The following LRP1B variants were observed in gnomAD, a reference collection of about 807,000 sequenced individuals.
LRP1B encodes the protein LDL receptor related protein 1B.
Under a neutral mutation model 556.6 loss-of-function variants are expected in LRP1B, and 217 were observed. The observed-to-expected ratio is 0.39, with a 90% CI of 0.35 to 0.44. The LOEUF is 0.44. Ranked by LOEUF, LRP1B falls within the 20% of genes least tolerant of loss-of-function variation. The pLI is 1.00. For synonymous variants in LRP1B, 2,047 were observed against 1,865.8 expected (o/e 1.10, Z -2.50); for missense variants, 5,053 against 5,620.8 (o/e 0.90, Z 3.23).
At chr2:141,498,903 T>C (rs953906185) in intron 2 of LRP1B, among the ~76,000 whole-genome samples, 5 of 152,070 alleles carry the variant, frequency 3.3e-5, no homozygotes, top group African/African-American at 1.2e-4. Flanking sequence ...CATCCTTGCT[T>C]AGATAGGCAA....
intron 63 of LRP1B, among the ~76,000 whole-genome samples, chr2:140,445,034 A>G (rs1175465141): frequency 1.3e-5 from 2 of 152,178 alleles, no homozygotes. Context: ...TTATTCCAAT[A>G]TCATCTTTTA....
rs78078646 is a variant in LRP1B, at chr2:141,140,296, G to A, written c.1013+48125C>T. Among the ~76,000 whole-genome samples the A allele has an allele frequency of 5.9e-3, 901 of 152,054 alleles. 11 individuals are homozygous for A. Among genetic ancestry groups the A allele is most frequent in the African/African-American group, 0.02 (837 of 41,500 alleles). On this transcript the variant is annotated intron_variant, in intron 7 of 90. Coordinates refer to ENST00000389484, the MANE Select transcript of LRP1B (RefSeq NM_018557.3). Reference sequence around the variant, plus strand: ...ATATATTTCATCACGTCTTTCAACCGTGTCGCTTATTGAACGTCAATTATA... The same window carrying A: ...ATATATTTCATCACGTCTTTCAACCATGTCGCTTATTGAACGTCAATTATA...
At chr2:140,252,924 GA>G (rs1214071641) in intron 86 of LRP1B, among the ~76,000 whole-genome samples, 1 of 151,878 alleles carries the variant, frequency 6.6e-6, no homozygotes, top group Non-Finnish European at 1.5e-5. Flanking sequence ...ATACAATTTT[GA>G]ACGTCTACAG....
chr2:141,732,423 A>C (rs1693308782), intron 2 of LRP1B, among the ~76,000 whole-genome samples: 1 of 152,102 alleles, frequency 6.6e-6, no homozygotes. Context: ...AGTCCATTAC[A>C]TGATGCTAAA....
intron 1 of LRP1B, among the ~76,000 whole-genome samples, chr2:142,086,738 G>A (rs1705949272): frequency 6.6e-6 from 1 of 151,958 alleles, no homozygotes; most frequent in African/African-American, 2.4e-5. Context: ...TTTTAAAAAA[G>A]TATTTGTAGT....
intron 60 of LRP1B, among the ~76,000 whole-genome samples, chr2:140,474,273 C>G (rs899033756): frequency 1.4e-4 from 21 of 151,858 alleles, no homozygotes; most frequent in African/African-American, 5.1e-4. Context: ...AACACACTGG[C>G]AGAGTATTAC....
chr2:140,667,004 A>G (rs1261088943), intron 41 of LRP1B, among the ~76,000 whole-genome samples: 1 of 152,178 alleles, frequency 6.6e-6, no homozygotes, highest in Non-Finnish European at 1.5e-5. Flanking sequence ...GAACATACTT[A>G]TTATCATATT....
At chr2:140,816,460 C>T (rs557315022) in intron 31 of LRP1B, among the ~76,000 whole-genome samples, 3 of 152,108 alleles carry the variant, frequency 2.0e-5, no homozygotes, top group Admixed American at 2.0e-4. Context: ...GATACTGTAA[C>T]AAGTATAGAG....
chr2:142,000,670 T>A (rs1702625997), intron 1 of LRP1B, among the ~76,000 whole-genome samples: 1 of 152,188 alleles, frequency 6.6e-6, no homozygotes, highest in Admixed American at 6.6e-5. Context: ...AACACAGTCA[T>A]AATGCTTACT....
intron 2 of LRP1B, among the ~76,000 whole-genome samples, chr2:141,777,255 A>G (rs1343837795): frequency 2.6e-5 from 4 of 152,222 alleles, no homozygotes; most frequent in Non-Finnish European, 5.9e-5. Context: ...AAGTAATTTT[A>G]AAATGAATAA....
intron 41 of LRP1B, among the ~76,000 whole-genome samples, chr2:140,635,428 T>C (rs761347691): frequency 6.6e-6 from 1 of 151,898 alleles, no homozygotes; most frequent in African/African-American, 2.4e-5. Context: ...GGGCTGTAAG[T>C]TAAAAAAAAA....
At chr2:140,934,262 C>T (rs1695138521) in intron 20 of LRP1B, among the ~76,000 whole-genome samples, 1 of 151,696 alleles carries the variant, frequency 6.6e-6, no homozygotes, top group African/African-American at 2.4e-5. Context: ...TTGGGAATTC[C>T]CCTAAATTCA....
At chr2:141,342,337 T>C (rs1389953695) in intron 3 of LRP1B, among the ~76,000 whole-genome samples, 1 of 151,794 alleles carries the variant, frequency 6.6e-6, no homozygotes, top group Non-Finnish European at 1.5e-5. Flanking sequence ...GTCACTGGCC[T>C]ACAATGGATG....
chr2:140,968,663 C>A (rs144405199), intron 18 of LRP1B, among the ~76,000 whole-genome samples: 9,283 of 152,064 alleles, frequency 0.061, 386 homozygotes, highest in Non-Finnish European at 0.087. Context: ...TCTTGTGGGC[C>A]TTTAGTGCTA....
intron 1 of LRP1B, among the ~76,000 whole-genome samples, chr2:141,880,438 T>C (rs1227394824): frequency 1.3e-5 from 2 of 152,000 alleles, no homozygotes; most frequent in African/African-American, 2.4e-5. Flanking sequence ...AAAAACTATA[T>C]ATAAATGATT....
intron 7 of LRP1B, among the ~76,000 whole-genome samples, chr2:141,131,715 C>T (rs541512421): frequency 2.6e-5 from 4 of 151,774 alleles, no homozygotes; most frequent in Non-Finnish European, 5.9e-5. Context: ...TCCTCACTGA[C>T]AGAGGGAAAT....
chr2:140,979,908 G>T (rs1182868523), intron 18 of LRP1B, among the ~76,000 whole-genome samples: 3 of 151,898 alleles, frequency 2.0e-5, no homozygotes, highest in African/African-American at 7.3e-5. Context: ...TCATAGATTT[G>T]TTATTAAAAA....
intron 3 of LRP1B, among the ~76,000 whole-genome samples, chr2:141,471,282 T>TTGTTTTTG (rs1559089472): frequency 1.8e-4 from 20 of 113,882 alleles, no homozygotes; most frequent in East Asian, 3.7e-4. Context: ...TTTTTTTTTT[T>TTGTTTTTG]TTTTTTTTTT....
chr2:141,588,215 C>T (rs1687208972), intron 2 of LRP1B, among the ~76,000 whole-genome samples: 1 of 151,134 alleles, frequency 6.6e-6, no homozygotes, highest in Admixed American at 6.6e-5. Context: ...TAAAATTTGT[C>T]TTCATTAATC....
Sources: allele counts gnomAD v4.1 joint callset (sites outside exome capture counted in the v4.1 genomes callset), GRCh38; gene constraint gnomAD v4.1.1; transcripts MANE v1.5; gene names NCBI Gene and HGNC (gene_info 2026-07-23, HGNC 2026-07-21).